Variants in FLRT2 observed in about 807,000 individuals in gnomAD.
The protein encoded by FLRT2 is fibronectin leucine rich transmembrane protein 2, also known as leucine-rich repeat transmembrane protein FLRT2.
FLRT2 carries 15 observed loss-of-function variants against 40.0 expected under a neutral mutation model. The ratio of observed to expected loss-of-function variants is 0.38; its 90% CI spans 0.25 to 0.58. The LOEUF (loss-of-function observed/expected upper bound fraction) is 0.58. Ranked by LOEUF, FLRT2 falls within the 20% of genes least tolerant of loss-of-function variation. FLRT2 has a pLI of 0.71. For synonymous variants in FLRT2, 380 were observed against 336.8 expected, an observed-to-expected ratio of 1.13 and a Z score of -1.41; for missense variants, 726 against 840.0, an observed-to-expected ratio of 0.86 and a Z score of 1.68.
At chr14:85,560,304 C>T (rs1279782105) in intron 1 of FLRT2, among the ~76,000 whole-genome samples, 3 of 151,966 alleles carry the variant, frequency 2.0e-5, no homozygotes, top group African/African-American at 7.2e-5. Flanking sequence ...ACAGGCCGGG[C>T]GCAGTGGCTC....
intron 1 of FLRT2, among the ~76,000 whole-genome samples, chr14:85,612,631 C>T (rs1210935603): frequency 6.6e-6 from 1 of 152,154 alleles, no homozygotes; most frequent in African/African-American, 2.4e-5. Flanking sequence ...TTCTTATCCC[C>T]TCTTGTTCCT....
At chr14:85,572,020 C>A (rs889149657) in intron 1 of FLRT2, among the ~76,000 whole-genome samples, 2 of 152,196 alleles carry the variant, frequency 1.3e-5, no homozygotes, top group African/African-American at 4.8e-5. Context: ...AGGGGTGAGA[C>A]AAACCATAAA....
chr14:85,547,331 T>A (rs1049690651), intron 1 of FLRT2, among the ~76,000 whole-genome samples: 1 of 151,488 alleles, frequency 6.6e-6, no homozygotes, highest in Non-Finnish European at 1.5e-5. Context: ...CTTTCTTTTT[T>A]TTTTTTTTTG....
chr14:85,583,418 G>A (rs1891477105), intron 1 of FLRT2, among the ~76,000 whole-genome samples: 1 of 152,158 alleles, frequency 6.6e-6, no homozygotes. Flanking sequence ...AGTTGTCAAG[G>A]AGTTAATCCA....
At position 85,649,226 on chromosome 14, in the gene FLRT2, A is replaced by G. The variant is rs1465868821; in HGVS notation, c.*25729A>G. 1.0e-5 allele frequency: 1 copy of G among 98,350 alleles called. No individual in the cohort carries two copies. The highest frequency in any genetic ancestry group is 1.0e-4 in the Admixed American group (1 of 9,686). The allele number at this position is 98,350 out of a possible 1,614,324, so 6.1% of individuals were successfully genotyped here. The stretch of plus-strand genomic sequence containing the variant: ...AGTTTCCTCCAGAAAGCCCCTATGT[A>G]TTTATTCCGGTTAACAATTTTACTT... On this transcript the variant is annotated 3_prime_UTR_variant, in exon 2 of 2. Transcript: ENST00000330753.
In FLRT2 at chr14:85,630,328, C is replaced by T. The variant is rs1292116605; in HGVS notation, c.*6831C>T. On this transcript the variant is annotated 3_prime_UTR_variant, in exon 2 of 2. Transcript: ENST00000330753. ...TTTTTGGTATGAAGTCTAAACTAGA[C>T]GAAAACCTCAATATATCCTTAGGGG... 4.4e-5 allele frequency: 5 copies of T among 113,964 alleles called. No homozygotes were observed. Among genetic ancestry groups the T allele is most frequent in the South Asian group, 2.9e-4 (1 of 3,406 alleles). 7.1% of individuals were successfully genotyped at this position (113,964 alleles called of 1,614,324 possible). A position where few individuals can be genotyped will look rare whatever the true frequency, so the allele number is the denominator to read the frequency against.
At chr14:85,535,314 C>T (rs1888577494) in intron 1 of FLRT2, among the ~76,000 whole-genome samples, 1 of 150,766 alleles carries the variant, frequency 6.6e-6, no homozygotes, top group Non-Finnish European at 1.5e-5. Context: ...TAGACTTAAC[C>T]GGTATGACCT....
chr14:85,576,954 G>T (rs1370430017), intron 1 of FLRT2, among the ~76,000 whole-genome samples: 1 of 152,200 alleles, frequency 6.6e-6, no homozygotes, highest in African/African-American at 2.4e-5. Flanking sequence ...AGCCAGCTCT[G>T]CCCATGTGTG....
chr14:85,622,178 G>A lies in FLRT2; in HGVS notation c.664G>A (p.Ala222Thr), dbSNP rs140606612. The A allele has an allele frequency of 2.1e-5, 34 of 1,613,952 alleles. No individual in the cohort carries two copies. In the African/African-American group the frequency reaches 2.1e-4, roughly 10 times the overall value. ...GAACCTCCTGACCAACAAGGGTATCGCCGAGGGCACCTTCAGCCATCTCAC... is the reference window on the plus strand; with the variant it reads ...GAACCTCCTGACCAACAAGGGTATCACCGAGGGCACCTTCAGCCATCTCAC... ...DGNLLTNKGI[A>T]EGTFSHLTKL... The change falls in exon 2 of 2, where the codon GCC (alanine) becomes ACC (threonine). Residue 222 changes from alanine to threonine, a missense_variant. This residue lies in a region of FLRT2 where 611 missense variants were observed against 690.0 expected (regional missense o/e 0.89). Coordinates refer to ENST00000330753, the MANE Select transcript of FLRT2 (RefSeq NM_013231.6).
At chr14:85,585,431 A>AT (rs1566740458) in intron 1 of FLRT2, among the ~76,000 whole-genome samples, 2 of 152,174 alleles carry the variant, frequency 1.3e-5, no homozygotes, top group Non-Finnish European at 2.9e-5. Context: ...AGTTATACTG[A>AT]TAATACCAAA....
At chr14:85,616,826 C>G (rs531428312) in intron 1 of FLRT2, among the ~76,000 whole-genome samples, 1 of 152,304 alleles carries the variant, frequency 6.6e-6, no homozygotes, top group Admixed American at 6.5e-5. Context: ...AAAACTACAT[C>G]AGCTCTGCAT....
rs530184173 is a variant in FLRT2, at chr14:85,555,011, G to C, written c.-377+24477G>C. Among the ~76,000 whole-genome samples, 4 of 152,278 alleles carry C rather than the reference G, an allele frequency of 2.6e-5. No individual in the cohort carries two copies. In the East Asian group the frequency reaches 7.7e-4, roughly 29 times the overall value. ...ATCTATTGGAGATAGGCATCACTTT[G>C]ATAGTATAACTTTGGGCCTTAGAGA... is the stretch of plus-strand genomic sequence containing the variant. On this transcript the variant is annotated intron_variant, in intron 1 of 1. Coordinates refer to ENST00000330753, the MANE Select transcript of FLRT2 (RefSeq NM_013231.6).
intron 1 of FLRT2, among the ~76,000 whole-genome samples, chr14:85,580,379 G>A (rs981541780): frequency 2.6e-5 from 4 of 152,128 alleles, no homozygotes; most frequent in East Asian, 1.9e-4. Context: ...AAGTAATTTT[G>A]TTTTTCCTTT....
In FLRT2 at chr14:85,570,010, C is replaced by T. The variant is rs375611623; in HGVS notation, c.-377+39476C>T. Among the ~76,000 whole-genome samples, 440 of 152,260 alleles carry T rather than the reference C, an allele frequency of 2.9e-3. 1 individual carries two copies. Among genetic ancestry groups the T allele is most frequent in the African/African-American group, 0.01 (429 of 41,562 alleles). On this transcript the variant is annotated intron_variant, in intron 1 of 1. Coordinates refer to ENST00000330753, the MANE Select transcript of FLRT2 (RefSeq NM_013231.6). Reference sequence around the variant, plus strand: ...TCCAAATGGGCATATCGTCTTTCAGCCTTACAGAAATCAAAAACAGAAAGT... The same window carrying T: ...TCCAAATGGGCATATCGTCTTTCAGTCTTACAGAAATCAAAAACAGAAAGT...
intron 1 of FLRT2, among the ~76,000 whole-genome samples, chr14:85,535,906 T>C (rs912794678): frequency 2.6e-5 from 2 of 78,190 alleles, no homozygotes; most frequent in Admixed American, 3.0e-4. Flanking sequence ...TTTTTTTTTT[T>C]TTTTTTTTTT....
At chr14:85,547,730 G>C (rs1889364282) in intron 1 of FLRT2, among the ~76,000 whole-genome samples, 1 of 152,164 alleles carries the variant, frequency 6.6e-6, no homozygotes, top group Admixed American at 6.5e-5. Flanking sequence ...TTGAGGATGT[G>C]CACCCATGAC....
chr14:85,643,354 TC>T lies in FLRT2; in HGVS notation c.*19858del, dbSNP rs1566774558. ...TTCTTTCTTTCTTTCTTTCTTTCTT[TC>T]TTCCTTCCTTCCTTCCTTCCTTTCT... is the stretch of plus-strand genomic sequence containing the variant. On this transcript the variant is annotated 3_prime_UTR_variant, in exon 2 of 2. Transcript: ENST00000330753. 1.7e-3 allele frequency: 77 copies of T among 46,064 alleles called. No homozygotes were observed. The highest frequency in any genetic ancestry group is 6.5e-3 in the South Asian group (6 of 920). The allele number at this position is 46,064 out of a possible 1,614,324, so 2.9% of individuals were successfully genotyped here.
intron 1 of FLRT2, among the ~76,000 whole-genome samples, chr14:85,551,957 C>A (rs1015975274): frequency 3.3e-5 from 5 of 152,112 alleles, no homozygotes; most frequent in Non-Finnish European, 5.9e-5. Flanking sequence ...AGGTCATGTC[C>A]CTTTCTGTTT....
At chr14:85,552,655 G>GCC (rs1889706397) in intron 1 of FLRT2, 1 of 152,100 alleles carries the variant, frequency 6.6e-6, no homozygotes, top group African/African-American at 2.4e-5. Context: ...GAGAAAAATG[G>GCC]CCCCTCTGGG....
Sources: gnomAD v4.1 joint callset for allele counts (sites outside exome capture counted in the v4.1 genomes callset) on GRCh38, gnomAD v4.1.1 for gene constraint, gnomAD v4.1.1 regional missense constraint, MANE v1.5 for transcripts, NCBI Gene and HGNC (gene_info 2026-07-23, HGNC 2026-07-21) for gene names.